GRIK1: variants seen among roughly 807,000 people sequenced by gnomAD.
GRIK1 encodes glutamate ionotropic receptor kainate type subunit 1.
In GRIK1, 69 loss-of-function variants were observed where a neutral mutation model predicts 105.7. The observed-to-expected ratio is 0.65, with a 90% CI of 0.54 to 0.80. The LOEUF is 0.80. Ranked by LOEUF, GRIK1 falls within the 30% of genes least tolerant of loss-of-function variation. The probability of loss-of-function intolerance (pLI) is 0.00; values close to 1 mark genes in which losing one functional copy is unlikely to be tolerated. For missense variants in GRIK1, 1,109 were observed against 1,167.3 expected (o/e 0.95, Z 0.73); for synonymous variants, 438 against 431.3 (o/e 1.02, Z -0.19).
intron 1 of GRIK1, among the ~76,000 whole-genome samples, chr21:29,801,365 G>C (rs2066706850): frequency 6.6e-6 from 1 of 151,906 alleles, no homozygotes; most frequent in African/African-American, 2.4e-5. Flanking sequence ...CCAAAAAGTG[G>C]AAAAGTCACA....
In GRIK1 at chr21:29,920,526, A is replaced by G. The variant is rs2071157433; in HGVS notation, c.118+18857T>C. On this transcript the variant is annotated intron_variant, in intron 1 of 17. Transcript: ENST00000327783. ...TTTAACCTTGTCGGTTTTTCCCATT[A>G]CAGGAGTTCATAGAACCATGACCCT... is the stretch of plus-strand genomic sequence containing the variant. 2.6e-5 allele frequency among the ~76,000 whole-genome samples: 4 copies of G among 152,076 alleles called. No homozygotes were observed. The South Asian group carries it at 8.3e-4, about 32-fold the overall frequency.
intron 1 of GRIK1, among the ~76,000 whole-genome samples, chr21:29,822,858 A>G (rs2067343448): frequency 6.6e-6 from 1 of 152,032 alleles, no homozygotes; most frequent in South Asian, 2.1e-4. Context: ...TGGGTTTTCA[A>G]TCACACTCAG....
At chr21:29,666,723 T>C (rs2146620577) in intron 4 of GRIK1, among the ~76,000 whole-genome samples, 1 of 152,386 alleles carries the variant, frequency 6.6e-6, no homozygotes, top group East Asian at 1.9e-4. Flanking sequence ...TGTGTAAAGC[T>C]AGACATGATT....
At chr21:29,625,505 T>C (rs1174929370) in intron 7 of GRIK1, among the ~76,000 whole-genome samples, 1 of 152,136 alleles carries the variant, frequency 6.6e-6, no homozygotes, top group African/African-American at 2.4e-5. Flanking sequence ...TTCCCCACCA[T>C]GCTGCCTGCC....
At position 29,673,061 on chromosome 21, in the gene GRIK1, G is replaced by C; in HGVS notation, c.648C>G (p.Leu216=). ...ACTCCTTGCCTTTCTTCATCTCCTT[G>C]AGTAAAGGCTTGGCATCTTTATTCC... is the stretch of plus-strand genomic sequence containing the variant. ...PSGNKDAKPL[L]KEMKKGKEFY... The change falls in exon 4 of 18, where the codon CTC becomes CTG. Residue 216 remains leucine, a synonymous_variant. Coordinates refer to ENST00000327783, the MANE Select transcript of GRIK1 (RefSeq NM_001330994.2). The C allele has an allele frequency of 6.2e-7, 1 of 1,612,224 alleles. No individual in the cohort carries two copies. The highest frequency in any genetic ancestry group is 8.5e-7 in the Non-Finnish European group (1 of 1,178,330).
At chr21:29,865,505 A>G (rs986940547) in intron 1 of GRIK1, among the ~76,000 whole-genome samples, 2 of 151,794 alleles carry the variant, frequency 1.3e-5, no homozygotes, top group African/African-American at 4.8e-5. Flanking sequence ...CACAGTAAAC[A>G]CAATGAAATG....
chr21:29,795,027 AATTTTTTTTTTTTTTTTT>A (rs2066519663), intron 1 of GRIK1, among the ~76,000 whole-genome samples: 1 of 82,152 alleles, frequency 1.2e-5, no homozygotes, highest in African/African-American at 4.2e-5. Flanking sequence ...CTTTGCTCTA[AATTTTTTTTTTTTTTTTT>A]TTTTTTTTGA....
chr21:29,739,790 C>T (rs908753497), intron 1 of GRIK1, among the ~76,000 whole-genome samples: 6 of 152,050 alleles, frequency 3.9e-5, no homozygotes, highest in Admixed American at 2.6e-4. Flanking sequence ...AGAATATAAA[C>T]GCCAGTGTGA....
intron 1 of GRIK1, among the ~76,000 whole-genome samples, chr21:29,834,934 T>C (rs753473387): frequency 2.0e-5 from 3 of 151,870 alleles, no homozygotes; most frequent in Non-Finnish European, 2.9e-5. Context: ...ATTCTCACTC[T>C]TGTCTTACTT....
chr21:29,876,359 A>G (rs1469713811), intron 1 of GRIK1, among the ~76,000 whole-genome samples: 1 of 152,056 alleles, frequency 6.6e-6, no homozygotes, highest in Non-Finnish European at 1.5e-5. Flanking sequence ...TTTTCTTTAC[A>G]TCAAATACAT....
At chr21:29,659,592 C>T (rs2146594061) in intron 4 of GRIK1, among the ~76,000 whole-genome samples, 1 of 152,238 alleles carries the variant, frequency 6.6e-6, no homozygotes, top group South Asian at 2.1e-4. Context: ...AAGACTATTC[C>T]ATTGTTCCAG....
At chr21:29,905,446 T>C (rs1250908666) in intron 1 of GRIK1, among the ~76,000 whole-genome samples, 1 of 149,990 alleles carries the variant, frequency 6.7e-6, no homozygotes, top group East Asian at 1.9e-4. Context: ...AATTTTTATA[T>C]TATTTATTAA....
At chr21:29,726,926 A>G (rs2064481152) in intron 1 of GRIK1, among the ~76,000 whole-genome samples, 1 of 151,336 alleles carries the variant, frequency 6.6e-6, no homozygotes, top group African/African-American at 2.4e-5. Context: ...ATTTTTATTT[A>G]TATATATTTT....
chr21:29,927,968 T>C (rs2071441730), intron 1 of GRIK1, among the ~76,000 whole-genome samples: 1 of 151,934 alleles, frequency 6.6e-6, no homozygotes, highest in Non-Finnish European at 1.5e-5. Flanking sequence ...ATATACGACA[T>C]AGAGAGAAAG....
rs768455454 is a variant in GRIK1 at position 29,555,230 on chromosome 21, T to C, written c.2429A>G (p.Lys810Arg). 5.0e-6 allele frequency: 8 copies of C among 1,613,810 alleles called. No homozygotes were observed. The highest frequency in any genetic ancestry group is 6.8e-6 in the Non-Finnish European group (8 of 1,179,772). ...GCCATTCCCACGCCACCACTTCTCTTTCATCATATGCAGCTTCCCTTCTTC... is the reference window on the plus strand; with the variant it reads ...GCCATTCCCACGCCACCACTTCTCTCTCATCATATGCAGCTTCCCTTCTTC... ...LQEEGKLHMMKEKWWRGNGCP... is the reference protein window; with the variant it reads ...LQEEGKLHMMREKWWRGNGCP... Residue 810 changes from lysine to arginine, a missense_variant, in exon 16 of 18, where the codon AAA becomes AGA. Lys to Arg is a conservative substitution (Grantham distance 26, BLOSUM62 2). Coordinates refer to ENST00000327783, the MANE Select transcript of GRIK1 (RefSeq NM_001330994.2).
chr21:29,898,636 T>A (rs2070267518), intron 1 of GRIK1, among the ~76,000 whole-genome samples: 1 of 152,248 alleles, frequency 6.6e-6, no homozygotes. Context: ...TTAGACCATA[T>A]GCAATAATTA....
chr21:29,709,914 C>A (rs1418271763), intron 1 of GRIK1, among the ~76,000 whole-genome samples: 4 of 151,644 alleles, frequency 2.6e-5, no homozygotes, highest in Non-Finnish European at 2.9e-5. Context: ...TTGCTTATTG[C>A]ATTGGTTAGA....
chr21:29,905,657 C>T (rs1185129701), intron 1 of GRIK1, among the ~76,000 whole-genome samples: 1 of 123,472 alleles, frequency 8.1e-6, no homozygotes, highest in African/African-American at 3.3e-5. Flanking sequence ...GACGGAGTCT[C>T]GCTCTGTCGC....
intron 1 of GRIK1, among the ~76,000 whole-genome samples, chr21:29,802,337 C>T (rs1001597006): frequency 1.3e-5 from 2 of 152,082 alleles, no homozygotes; most frequent in African/African-American, 4.8e-5. Flanking sequence ...CGGTAAGCCT[C>T]AGGTTTGTTA....
Sources: gnomAD v4.1 joint callset for allele counts (sites outside exome capture counted in the v4.1 genomes callset) on GRCh38, gnomAD v4.1.1 for gene constraint, MANE v1.5 for transcripts, NCBI Gene and HGNC (gene_info 2026-07-23, HGNC 2026-07-21) for gene names.